Variants in ERC1 observed in about 807,000 individuals in gnomAD.
ERC1 encodes ELKS/RAB6-interacting/CAST family member 1.
Under a neutral mutation model 132.0 loss-of-function variants are expected in ERC1, and 56 were observed. That is an observed-to-expected ratio of 0.42 (90% CI 0.34 to 0.53). ERC1 has a LOEUF of 0.53. ERC1 is among the 20% of genes least tolerant of loss of function. The pLI is 0.03. For synonymous variants in ERC1, 478 were observed against 476.1 expected, an observed-to-expected ratio of 1.00 and a Z score of -0.05; for missense variants, 1,202 against 1,349.9, an observed-to-expected ratio of 0.89 and a Z score of 1.72.
chr12:1,053,193 C>T (rs1165415725), intron 2 of ERC1, among the ~76,000 whole-genome samples: 2 of 152,138 alleles, frequency 1.3e-5, no homozygotes, highest in Non-Finnish European at 2.9e-5. Flanking sequence ...TGACTTGTTT[C>T]CCCTATGCTT....
At chr12:1,281,748 T>C (rs1045850681) in intron 14 of ERC1, among the ~76,000 whole-genome samples, 3 of 152,216 alleles carry the variant, frequency 2.0e-5, no homozygotes, top group African/African-American at 7.2e-5. Context: ...AATATTCTGC[T>C]GAAAAGATAG....
At chr12:1,232,819 T>C (rs1224064955) in intron 12 of ERC1, among the ~76,000 whole-genome samples, 1 of 152,128 alleles carries the variant, frequency 6.6e-6, no homozygotes, top group Non-Finnish European at 1.5e-5. Context: ...CTCCATTCCT[T>C]TGTGATCAGT....
chr12:1,112,435 G>A (rs1197735345), intron 6 of ERC1, 137 bp downstream of exon 6: 1 of 583,432 alleles, frequency 1.7e-6, no homozygotes, highest in African/African-American at 1.9e-5. Flanking sequence ...TAACCAGCCT[G>A]CTCTGCTCTT....
chr12:1,040,303 CTTTTTCTTTTTTTCT>C (rs1173485916), intron 2 of ERC1, among the ~76,000 whole-genome samples: 41 of 149,780 alleles, frequency 2.7e-4, no homozygotes, highest in African/African-American at 9.3e-4. Flanking sequence ...ACTCATTTTT[CTTTTTCTTTTTTTCT>C]TTTTTCTTTT....
chr12:1,360,392 T>G (rs1270012932), intron 15 of ERC1, among the ~76,000 whole-genome samples: 2 of 152,190 alleles, frequency 1.3e-5, no homozygotes, highest in South Asian at 2.1e-4. Context: ...ATAGGTGATT[T>G]TACACTTACT....
chr12:1,274,746 C>A (rs2078142545), intron 14 of ERC1, among the ~76,000 whole-genome samples: 1 of 152,156 alleles, frequency 6.6e-6, no homozygotes, highest in African/African-American at 2.4e-5. Flanking sequence ...ACACCTTGAC[C>A]TCCCAAGGTG....
chr12:1,125,833 A>T (rs1002762293), intron 7 of ERC1, among the ~76,000 whole-genome samples: 2 of 152,238 alleles, frequency 1.3e-5, no homozygotes, highest in Admixed American at 1.3e-4. Flanking sequence ...AACAAACAAA[A>T]AAAACAAACA....
At chr12:1,179,270 CA>C (rs1954090282) in intron 8 of ERC1, among the ~76,000 whole-genome samples, 1 of 152,050 alleles carries the variant, frequency 6.6e-6, no homozygotes, top group Non-Finnish European at 1.5e-5. Flanking sequence ...ATTGAAAGAT[CA>C]GATCCTTGCA....
At chr12:1,455,713 C>T (rs2093518063) in intron 18 of ERC1, among the ~76,000 whole-genome samples, 1 of 152,144 alleles carries the variant, frequency 6.6e-6, no homozygotes. Context: ...TCAATGAGAA[C>T]GTTTTTGACA....
intron 14 of ERC1, among the ~76,000 whole-genome samples, chr12:1,279,167 T>C (rs2078488681): frequency 6.6e-6 from 1 of 152,148 alleles, no homozygotes; most frequent in African/African-American, 2.4e-5. Flanking sequence ...TCTCTTTACA[T>C]AAAATTTTTA....
intron 12 of ERC1, among the ~76,000 whole-genome samples, chr12:1,230,154 G>A (rs2074918710): frequency 6.6e-6 from 1 of 151,908 alleles, no homozygotes; most frequent in African/African-American, 2.4e-5. Context: ...TTACAGGCAT[G>A]TGCCACCACG....
intron 2 of ERC1, among the ~76,000 whole-genome samples, chr12:1,034,217 A>T (rs2154154235): frequency 6.6e-6 from 1 of 152,220 alleles, no homozygotes; most frequent in East Asian, 1.9e-4. Context: ...TTTCAAATGT[A>T]TTGTTAATAA....
At chr12:1,200,628 G>A (rs1956821882) in intron 12 of ERC1, among the ~76,000 whole-genome samples, 1 of 151,130 alleles carries the variant, frequency 6.6e-6, no homozygotes. Context: ...GCACGATCTC[G>A]GCTCACTGCA....
intron 18 of ERC1, among the ~76,000 whole-genome samples, chr12:1,448,996 G>T (rs1006786681): frequency 6.6e-6 from 1 of 152,266 alleles, no homozygotes; most frequent in Admixed American, 6.5e-5. Flanking sequence ...TCTTGCATCA[G>T]CGTGACCTGG....
intron 2 of ERC1, among the ~76,000 whole-genome samples, chr12:1,078,436 A>T (rs979058634): frequency 2.0e-5 from 3 of 146,852 alleles, no homozygotes; most frequent in Non-Finnish European, 4.5e-5. Flanking sequence ...TAAATTCCTG[A>T]TTTTTTTTTT....
chr12:1,097,167 T>C (rs1944142419), intron 3 of ERC1, among the ~76,000 whole-genome samples: 1 of 152,212 alleles, frequency 6.6e-6, no homozygotes, highest in South Asian at 2.1e-4. Flanking sequence ...CTTTGTAATA[T>C]CCATGTTTAT....
chr12:1,098,712 A>G (rs1229482576), intron 3 of ERC1, among the ~76,000 whole-genome samples: 2 of 152,238 alleles, frequency 1.3e-5, no homozygotes, highest in African/African-American at 4.8e-5. Context: ...ACATCTAAAT[A>G]GAGATGCCAA....
At chr12:1,486,429 T>TTATTG (rs2094216943) in intron 18 of ERC1, among the ~76,000 whole-genome samples, 1 of 152,034 alleles carries the variant, frequency 6.6e-6, no homozygotes, top group Non-Finnish European at 1.5e-5. Flanking sequence ...TTATTTTATT[T>TTATTG]TATTTTATTT....
chr12:1,109,753 G>T (rs1303634391), intron 4 of ERC1, among the ~76,000 whole-genome samples: 1 of 152,140 alleles, frequency 6.6e-6, no homozygotes, highest in Non-Finnish European at 1.5e-5. Context: ...ACGTATTTTA[G>T]AAGGAAGGCA....
Sources: allele counts gnomAD v4.1 joint callset (sites outside exome capture counted in the v4.1 genomes callset), GRCh38; gene constraint gnomAD v4.1.1; transcripts MANE v1.5; gene names NCBI Gene and HGNC (gene_info 2026-07-23, HGNC 2026-07-21).